RASGEF1C: variants seen among roughly 807,000 people sequenced by gnomAD.
RASGEF1C encodes the protein ras-GEF domain-containing family member 1C.
RASGEF1C carries 27 observed loss-of-function variants against 58.1 expected under a neutral mutation model. That is an observed-to-expected ratio of 0.46 (90% CI 0.34 to 0.64). The LOEUF (loss-of-function observed/expected upper bound fraction) is 0.64, where lower values mean the gene tolerates loss of function less well. Among genes scored for constraint, RASGEF1C ranks in the 30% least tolerant of loss-of-function variants. The pLI, the probability that RASGEF1C is intolerant of heterozygous loss-of-function variation, is 0.01. For missense variants in RASGEF1C, 502 were observed against 605.1 expected, an observed-to-expected ratio of 0.83 and a Z score of 1.79; for synonymous variants, 243 against 246.3, an observed-to-expected ratio of 0.99 and a Z score of 0.13.
In RASGEF1C at chr5:180,127,618, G is replaced by A. The variant is rs776897025; in HGVS notation, c.705C>T (p.Ala235=). 6.2e-7 allele frequency: 1 copy of A among 1,612,520 alleles called. No individual in the cohort carries two copies. The highest frequency in any genetic ancestry group is 2.2e-5 in the East Asian group (1 of 44,766). The change falls in exon 6 of 14, where the codon GCC becomes GCT. Residue 235 remains alanine, a synonymous_variant. Transcript: ENST00000361132. ...VQAFVNKDPL[A]STKPCFSDKT... is the part of the protein sequence containing the mutation. ...CGTAAGAGCCTCCTACCTTTGTGCT[G>A]GCCAGAGGGTCCTTGTTCACAAAGG...
intron 11 of RASGEF1C, among the ~76,000 whole-genome samples, chr5:180,114,124 C>T (rs1766024651): frequency 6.6e-6 from 1 of 152,198 alleles, no homozygotes; most frequent in Non-Finnish European, 1.5e-5. Flanking sequence ...GCCCCTGTCA[C>T]AGCACCTTGC....
intron 1 of RASGEF1C, among the ~76,000 whole-genome samples, chr5:180,183,523 T>G (rs757312176): frequency 6.6e-6 from 1 of 150,612 alleles, no homozygotes; most frequent in African/African-American, 2.4e-5. Flanking sequence ...GAAAAACATA[T>G]GAAACAATTA....
chr5:180,207,536 G>C (rs567519345), intron 1 of RASGEF1C, among the ~76,000 whole-genome samples: 1 of 152,124 alleles, frequency 6.6e-6, no homozygotes, highest in Admixed American at 6.5e-5. Flanking sequence ...GCCTGAAAAG[G>C]GCCAGGTCCC....
Position 180,113,154 on chromosome 5 carries a change from T to G in RASGEF1C, c.1179+1292A>C, listed in dbSNP as rs372947020. ...GGGATCGAGGATGGATGGAGGGATC[T>G]GGGCTGGACGGAGGGACCGGGGATG... On this transcript the variant is annotated intron_variant, in intron 11 of 13. Coordinates refer to ENST00000361132, the MANE Select transcript of RASGEF1C (RefSeq NM_175062.4). Among the ~76,000 whole-genome samples the G allele has an allele frequency of 2.2e-3, 76 of 35,310 alleles. 1 individual carries two copies. The highest frequency in any genetic ancestry group is 0.036 in the Middle Eastern group (1 of 28). The allele number at this position is 35,310 out of a possible 152,430, so 23.2% of individuals were successfully genotyped here. A position where few individuals can be genotyped will look rare whatever the true frequency, so the allele number is the denominator to read the frequency against.
At chr5:180,159,856 C>T (rs1013844560) in intron 1 of RASGEF1C, among the ~76,000 whole-genome samples, 2 of 152,230 alleles carry the variant, frequency 1.3e-5, no homozygotes, top group South Asian at 2.1e-4. Flanking sequence ...TTCAGCCAGC[C>T]CTCCTGATGC....
intron 1 of RASGEF1C, among the ~76,000 whole-genome samples, chr5:180,142,216 TCGGTGTGTGTGAACTAGATATATGCA>T (rs1766590396): frequency 6.6e-6 from 1 of 152,044 alleles, no homozygotes; most frequent in Admixed American, 6.6e-5. Context: ...GACGTGGGGC[TCGGTGTGTGTGAACTAGATATATGCA>T]CGGTGTGGCT....
intron 1 of RASGEF1C, among the ~76,000 whole-genome samples, chr5:180,157,484 G>A (rs112412514): frequency 0.022 from 3,267 of 151,842 alleles, 63 homozygotes; most frequent in Admixed American, 0.06. Flanking sequence ...ATAATTAGCC[G>A]GGCATGGTGG....
intron 1 of RASGEF1C, among the ~76,000 whole-genome samples, chr5:180,195,634 C>G (rs1312658309): frequency 4.6e-5 from 7 of 152,034 alleles, no homozygotes; most frequent in South Asian, 4.2e-4. Flanking sequence ...CGGTGGCGGG[C>G]GCCTGTAGTC....
At chr5:180,184,386 CCAA>C (rs774364642) in intron 1 of RASGEF1C, among the ~76,000 whole-genome samples, 1 of 151,970 alleles carries the variant, frequency 6.6e-6, no homozygotes, top group Non-Finnish European at 1.5e-5. Flanking sequence ...ACCAGCCTGA[CCAA>C]CATGGTGAAA....
intron 4 of RASGEF1C, among the ~76,000 whole-genome samples, chr5:180,133,215 C>T (rs932886110): frequency 1.4e-4 from 21 of 152,132 alleles, no homozygotes; most frequent in Admixed American, 5.2e-4. Context: ...CAGGGTGGCC[C>T]GATGCTGGGA....
intron 1 of RASGEF1C, among the ~76,000 whole-genome samples, chr5:180,185,685 T>C (rs189692199): frequency 2.0e-5 from 3 of 152,270 alleles, no homozygotes; most frequent in Non-Finnish European, 4.4e-5. Context: ...GTTGAAAATT[T>C]AGATGACATG....
chr5:180,175,510 C>G (rs1767209002), intron 1 of RASGEF1C, among the ~76,000 whole-genome samples: 1 of 152,212 alleles, frequency 6.6e-6, no homozygotes, highest in African/African-American at 2.4e-5. Flanking sequence ...TCAGGACCCT[C>G]AGGCCATGAA....
chr5:180,111,956 G>C (rs548656422), intron 11 of RASGEF1C, among the ~76,000 whole-genome samples: 1 of 152,084 alleles, frequency 6.6e-6, no homozygotes. Flanking sequence ...TTTAAAAAAG[G>C]TGCCAACTTT....
intron 3 of RASGEF1C, chr5:180,136,781 G>T (rs1047420000): frequency 2.0e-6 from 1 of 487,974 alleles, no homozygotes; most frequent in East Asian, 3.8e-5. Flanking sequence ...CGCGCTGCGG[G>T]GAGTGGGGAG....
At chr5:180,140,604 C>T (rs77209448) in intron 1 of RASGEF1C, among the ~76,000 whole-genome samples, 1,922 of 152,320 alleles carry the variant, frequency 0.013, 42 homozygotes, top group African/African-American at 0.044. Flanking sequence ...CACTCCCACC[C>T]CTCCCTGCAG....
chr5:180,138,258 T>G, intron 1 of RASGEF1C, 200 bp from the exon 2 acceptor site: 1 of 434,022 alleles, frequency 2.3e-6, no homozygotes, highest in Non-Finnish European at 4.0e-6. Context: ...TTCTCCGTCT[T>G]CTCATGGCCT....
intron 1 of RASGEF1C, among the ~76,000 whole-genome samples, chr5:180,185,874 C>G (rs898573642): frequency 2.0e-5 from 3 of 151,892 alleles, no homozygotes; most frequent in African/African-American, 7.3e-5. Flanking sequence ...AAGGCAGGCA[C>G]ATAACTTGAG....
chr5:180,109,806 T>C (rs1326203202), intron 12 of RASGEF1C, among the ~76,000 whole-genome samples: 1 of 151,946 alleles, frequency 6.6e-6, no homozygotes, highest in East Asian at 1.9e-4. Flanking sequence ...GGAAATAGAT[T>C]CTCCTCTCAG....
chr5:180,135,040 T>TCCC (rs747063580), intron 4 of RASGEF1C, among the ~76,000 whole-genome samples: 7 of 64,344 alleles, frequency 1.1e-4, no homozygotes, highest in African/African-American at 1.8e-4. Flanking sequence ...GTTTCCGCTG[T>TCCC]CCCCACCCCC....
Sources: gnomAD v4.1 joint callset for allele counts (sites outside exome capture counted in the v4.1 genomes callset) on GRCh38, gnomAD v4.1.1 for gene constraint, MANE v1.5 for transcripts, NCBI Gene and HGNC (gene_info 2026-07-23, HGNC 2026-07-21) for gene names.